EXOC6B: variants seen among roughly 807,000 people sequenced by gnomAD.
EXOC6B encodes exocyst complex component 6B, also known as SEC15 homolog B.
EXOC6B carries 54 observed loss-of-function variants against 113.5 expected under a neutral mutation model. The ratio of observed to expected loss-of-function variants is 0.48; its 90% confidence interval spans 0.38 to 0.60. The LOEUF (loss-of-function observed/expected upper bound fraction) is 0.60. Ranked by LOEUF, EXOC6B falls within the 20% of genes least tolerant of loss-of-function variation. The probability of loss-of-function intolerance (pLI) is 0.00; values close to 1 mark genes in which losing one functional copy is unlikely to be tolerated. For synonymous variants in EXOC6B, 357 were observed against 339.0 expected (o/e 1.05, Z -0.58); for missense variants, 797 against 977.5 (o/e 0.82, Z 2.46).
At chr2:72,674,509 T>C (rs1311784108) in intron 6 of EXOC6B, among the ~76,000 whole-genome samples, 2 of 152,182 alleles carry the variant, frequency 1.3e-5, no homozygotes, top group East Asian at 1.9e-4. Context: ...TTTATGTCTA[T>C]CGAGTGGTAA....
chr2:72,346,647 G>A (rs1420625015), intron 19 of EXOC6B, among the ~76,000 whole-genome samples: 1 of 152,124 alleles, frequency 6.6e-6, no homozygotes, highest in Admixed American at 6.6e-5. Flanking sequence ...ATGAAGTACT[G>A]CTTTTTATCT....
chr2:72,609,753 A>G (rs1670961256), intron 6 of EXOC6B, among the ~76,000 whole-genome samples: 2 of 152,082 alleles, frequency 1.3e-5, no homozygotes, highest in African/African-American at 4.8e-5. Context: ...TAGAGGTCCA[A>G]GAAGATCAAT....
intron 20 of EXOC6B, among the ~76,000 whole-genome samples, chr2:72,296,546 T>A (rs143159495): frequency 2.0e-5 from 3 of 152,278 alleles, no homozygotes; most frequent in East Asian, 3.9e-4. Context: ...CCATGATTAT[T>A]TTTCTTTCTA....
intron 20 of EXOC6B, among the ~76,000 whole-genome samples, chr2:72,302,953 G>A (rs1376774754): frequency 6.6e-6 from 1 of 152,062 alleles, no homozygotes; most frequent in Non-Finnish European, 1.5e-5. Context: ...GTATTGGTTG[G>A]TAACAGTCTT....
intron 18 of EXOC6B, among the ~76,000 whole-genome samples, chr2:72,400,136 A>G (rs1693041632): frequency 6.6e-6 from 1 of 152,182 alleles, no homozygotes; most frequent in Non-Finnish European, 1.5e-5. Context: ...TCACATATCT[A>G]TAACCAACTG....
intron 20 of EXOC6B, among the ~76,000 whole-genome samples, chr2:72,315,400 T>C (rs1687457710): frequency 6.6e-6 from 1 of 152,036 alleles, no homozygotes; most frequent in South Asian, 2.1e-4. Flanking sequence ...AAAAGGACTT[T>C]GGTTTTTACT....
chr2:72,179,528 G>T (rs1452936689), intron 21 of EXOC6B, 67 bp from the exon 22 acceptor site: 3 of 1,587,152 alleles, frequency 1.9e-6, no homozygotes, highest in African/African-American at 2.7e-5. Flanking sequence ...AGAACCTGCA[G>T]GAAGCAGGAT....
chr2:72,203,434 T>A (rs1193346093), intron 20 of EXOC6B, among the ~76,000 whole-genome samples: 2 of 152,146 alleles, frequency 1.3e-5, no homozygotes, highest in African/African-American at 4.8e-5. Flanking sequence ...TAGCATCGAG[T>A]ATAGTCAAGG....
chr2:72,653,660 A>G (rs1311779609), intron 6 of EXOC6B, among the ~76,000 whole-genome samples: 1 of 150,124 alleles, frequency 6.7e-6, no homozygotes, highest in Non-Finnish European at 1.5e-5. Flanking sequence ...TCTAAAAATC[A>G]CTAATTTTGC....
intron 6 of EXOC6B, among the ~76,000 whole-genome samples, chr2:72,693,659 GT>G (rs1202343545): frequency 6.6e-6 from 1 of 152,088 alleles, no homozygotes; most frequent in Non-Finnish European, 1.5e-5. Flanking sequence ...GTTTGGTCGG[GT>G]TACTTAAATC....
At chr2:72,483,480 A>T (rs1239686869) in intron 16 of EXOC6B, among the ~76,000 whole-genome samples, 1 of 152,172 alleles carries the variant, frequency 6.6e-6, no homozygotes, top group Non-Finnish European at 1.5e-5. Flanking sequence ...AAAAAAAGGG[A>T]GGTGGCTTCA....
At chr2:72,694,723 T>C (rs749426193) in intron 6 of EXOC6B, among the ~76,000 whole-genome samples, 1 of 152,214 alleles carries the variant, frequency 6.6e-6, no homozygotes, top group Non-Finnish European at 1.5e-5. Context: ...ATCTTGCATG[T>C]TCCACAGGCT....
At chr2:72,372,282 G>A (rs908706601) in intron 19 of EXOC6B, among the ~76,000 whole-genome samples, 1 of 151,972 alleles carries the variant, frequency 6.6e-6, no homozygotes, top group Non-Finnish European at 1.5e-5. Flanking sequence ...TCCCATCAAA[G>A]TACCAATGAC....
chr2:72,565,001 C>CA (rs2103742125), intron 7 of EXOC6B, among the ~76,000 whole-genome samples: 1 of 152,234 alleles, frequency 6.6e-6, no homozygotes, highest in Non-Finnish European at 1.5e-5. Context: ...TGAGGCACTG[C>CA]AAAAAACCTG....
At chr2:72,230,871 C>A (rs1362019458) in intron 20 of EXOC6B, among the ~76,000 whole-genome samples, 1 of 152,020 alleles carries the variant, frequency 6.6e-6, no homozygotes, top group East Asian at 1.9e-4. Flanking sequence ...TGAATGGAAG[C>A]AGGAATAAAA....
chr2:72,186,688 A>T (rs550926491), intron 20 of EXOC6B, among the ~76,000 whole-genome samples: 1 of 152,378 alleles, frequency 6.6e-6, no homozygotes, highest in South Asian at 2.1e-4. Context: ...ATATACATGC[A>T]TGTAATAAAA....
intron 20 of EXOC6B, among the ~76,000 whole-genome samples, chr2:72,271,733 C>T (rs1323290420): frequency 1.3e-5 from 2 of 152,086 alleles, no homozygotes; most frequent in Non-Finnish European, 2.9e-5. Flanking sequence ...TATACCACAA[C>T]ACATTATACA....
chr2:72,615,749 T>C (rs550700890), intron 6 of EXOC6B, among the ~76,000 whole-genome samples: 114 of 152,310 alleles, frequency 7.5e-4, no homozygotes, highest in African/African-American at 2.7e-3. Flanking sequence ...AGTATAGTCC[T>C]ACTTATTTTA....
chr2:72,672,317 A>G (rs1675946446), intron 6 of EXOC6B, among the ~76,000 whole-genome samples: 1 of 152,206 alleles, frequency 6.6e-6, no homozygotes, highest in Middle Eastern at 3.4e-3. Context: ...ATATCCATCA[A>G]TGGATAAACA....
Sources: allele counts gnomAD v4.1 joint callset (sites outside exome capture counted in the v4.1 genomes callset), GRCh38; gene constraint gnomAD v4.1.1; transcripts MANE v1.5; gene names NCBI Gene and HGNC (gene_info 2026-07-23, HGNC 2026-07-21).